Variants in COL8A1 observed in about 807,000 individuals in gnomAD.
The protein encoded by COL8A1 is collagen type VIII alpha 1 chain.
Under a neutral mutation model 42.7 loss-of-function variants are expected in COL8A1, and 21 were observed. The observed-to-expected ratio is 0.49, with a 90% CI of 0.35 to 0.71. The LOEUF (loss-of-function observed/expected upper bound fraction) is 0.71. Ranked by LOEUF, COL8A1 falls within the 30% of genes least tolerant of loss-of-function variation. The pLI, the probability that COL8A1 is intolerant of heterozygous loss-of-function variation, is 0.01. For missense variants in COL8A1, 788 were observed against 962.4 expected (o/e 0.82, Z 2.40); for synonymous variants, 367 against 369.1 (o/e 0.99, Z 0.06).
intron 1 of COL8A1, among the ~76,000 whole-genome samples, chr3:99,686,990 G>A (rs1484589055): frequency 6.6e-6 from 1 of 152,170 alleles, no homozygotes; most frequent in East Asian, 1.9e-4. Flanking sequence ...TTACAGGCAT[G>A]AGCCATTACA....
chr3:99,793,778 G>A (rs1287545462), intron 3 of COL8A1, among the ~76,000 whole-genome samples: 2 of 152,102 alleles, frequency 1.3e-5, no homozygotes, highest in Non-Finnish European at 2.9e-5. Context: ...TGGAGATGGA[G>A]TTTCGCTCTT....
chr3:99,734,183 G>T (rs1940622870), intron 1 of COL8A1, among the ~76,000 whole-genome samples: 2 of 147,894 alleles, frequency 1.4e-5, no homozygotes, highest in South Asian at 4.3e-4. Flanking sequence ...TTTGTCTTTT[G>T]TTGCCATTGC....
intron 1 of COL8A1, among the ~76,000 whole-genome samples, chr3:99,673,483 T>C (rs1559774689): frequency 6.6e-6 from 1 of 152,134 alleles, no homozygotes; most frequent in Non-Finnish European, 1.5e-5. Flanking sequence ...TACCTCTTTA[T>C]ATATTAAAAC....
intron 1 of COL8A1, among the ~76,000 whole-genome samples, chr3:99,731,794 C>A (rs1940518945): frequency 6.6e-6 from 1 of 152,138 alleles, no homozygotes; most frequent in Non-Finnish European, 1.5e-5. Context: ...AGTGAAAGAA[C>A]TTTCAGTAAA....
chr3:99,735,040 G>A (rs959096530), intron 1 of COL8A1, among the ~76,000 whole-genome samples: 1 of 151,536 alleles, frequency 6.6e-6, no homozygotes, highest in African/African-American at 2.4e-5. Context: ...TCAGCTTAAG[G>A]AGATTTTGGG....
chr3:99,643,758 T>G (rs1473563979), intron 1 of COL8A1, among the ~76,000 whole-genome samples: 1 of 152,196 alleles, frequency 6.6e-6, no homozygotes. Flanking sequence ...ACTGTATTAT[T>G]TTTTACAGGA....
At chr3:99,721,430 AAAGGGG>A (rs71821061) in intron 1 of COL8A1, among the ~76,000 whole-genome samples, 80,991 of 141,882 alleles carry the variant, frequency 0.57, 23,478 homozygotes, top group East Asian at 0.71. Context: ...AGGGAAAGGG[AAAGGGG>A]AAGGGGAAGG....
At chr3:99,653,613 T>C (rs527780877) in intron 1 of COL8A1, among the ~76,000 whole-genome samples, 11 of 151,816 alleles carry the variant, frequency 7.2e-5, no homozygotes, top group African/African-American at 2.7e-4. Context: ...TGGGCAGCTG[T>C]GGCATCACCA....
chr3:99,704,614 G>A (rs1002798822), intron 1 of COL8A1, among the ~76,000 whole-genome samples: 8 of 152,160 alleles, frequency 5.3e-5, no homozygotes, highest in Non-Finnish European at 1.2e-4. Flanking sequence ...CTTGGGGTCA[G>A]CTTCCTGCCA....
chr3:99,725,686 T>C lies in COL8A1; in HGVS notation c.-128-19211T>C, dbSNP rs140074674. On this transcript the variant is annotated intron_variant, in intron 1 of 3. Transcript: ENST00000652472. ...TGGTGTTTGGTTTCTTTCCTTGCAA[T>C]AGTTTGCTGAGAATGATGCTTTCCA... Among the ~76,000 whole-genome samples, 680 of 150,990 alleles carry C rather than the reference T, an allele frequency of 4.5e-3. 4 individuals carry two copies. The highest frequency in any genetic ancestry group is 0.016 in the African/African-American group (640 of 41,128).
At chr3:99,735,510 C>G (rs957920795) in intron 1 of COL8A1, among the ~76,000 whole-genome samples, 7 of 148,002 alleles carry the variant, frequency 4.7e-5, no homozygotes, top group Non-Finnish European at 8.9e-5. Context: ...CCCACTTGAT[C>G]ATGGTGGATA....
intron 1 of COL8A1, among the ~76,000 whole-genome samples, chr3:99,666,879 C>A (rs1326174542): frequency 6.6e-6 from 1 of 152,184 alleles, no homozygotes; most frequent in African/African-American, 2.4e-5. Context: ...ATTTGGCAAG[C>A]CTTAACCTCT....
chr3:99,762,773 G>A (rs1440491430), intron 2 of COL8A1, among the ~76,000 whole-genome samples: 4 of 152,162 alleles, frequency 2.6e-5, no homozygotes, highest in Non-Finnish European at 5.9e-5. Flanking sequence ...AGAATTCCAG[G>A]ATCCTGTGCA....
intron 2 of COL8A1, among the ~76,000 whole-genome samples, chr3:99,755,604 A>C (rs1270351886): frequency 1.3e-5 from 2 of 152,202 alleles, no homozygotes; most frequent in Non-Finnish European, 2.9e-5. Flanking sequence ...GAATGATAGG[A>C]TGAGGGATGC....
chr3:99,781,297 T>A (rs1369731555), intron 2 of COL8A1, among the ~76,000 whole-genome samples: 1 of 152,176 alleles, frequency 6.6e-6, no homozygotes, highest in Admixed American at 6.5e-5. Context: ...GGTGTCTTTG[T>A]GTGTGGTGGT....
intron 1 of COL8A1, among the ~76,000 whole-genome samples, chr3:99,672,938 A>G (rs1263931131): frequency 2.0e-5 from 3 of 151,962 alleles, no homozygotes; most frequent in African/African-American, 7.2e-5. Flanking sequence ...ATTATGATTA[A>G]GATCCCATGA....
intron 2 of COL8A1, among the ~76,000 whole-genome samples, chr3:99,750,090 T>C (rs1235078649): frequency 7.6e-6 from 1 of 131,566 alleles, no homozygotes; most frequent in African/African-American, 2.8e-5. Flanking sequence ...AGATTCTTGC[T>C]CTGTTGCCAC....
chr3:99,663,403 A>G (rs1938267454), intron 1 of COL8A1, among the ~76,000 whole-genome samples: 1 of 152,082 alleles, frequency 6.6e-6, no homozygotes, highest in African/African-American at 2.4e-5. Flanking sequence ...GGGCCTCTCA[A>G]AATTGTCGTT....
rs1942131646 is a variant in COL8A1, at chr3:99,797,849, G to T, written c.*1713G>T. On this transcript the variant is annotated 3_prime_UTR_variant, in exon 4 of 4. Transcript: ENST00000652472. ...AAGGCCAATACAAGTCTGAAAAGCA[G>T]AAATAAATATTTTTCCAGGTTTTTG... The T allele has an allele frequency of 6.6e-6, 1 of 152,112 alleles. No homozygotes were observed. The highest frequency in any genetic ancestry group is 2.1e-4 in the South Asian group (1 of 4,828). 9.4% of individuals were successfully genotyped at this position (152,112 alleles called of 1,614,324 possible).
Sources: gnomAD v4.1 joint callset for allele counts (sites outside exome capture counted in the v4.1 genomes callset) on GRCh38, gnomAD v4.1.1 for gene constraint, MANE v1.5 for transcripts, NCBI Gene and HGNC (gene_info 2026-07-23, HGNC 2026-07-21) for gene names.